Variants in ATAD3B observed in about 807,000 individuals in gnomAD.
The protein encoded by ATAD3B is ATPase family AAA domain containing 3B, also known as ATPase family AAA domain-containing protein 3B.
In ATAD3B, 59 loss-of-function variants were observed where a neutral mutation model predicts 70.2. The observed-to-expected ratio is 0.84, with a 90% CI of 0.68 to 1.04. The LOEUF (loss-of-function observed/expected upper bound fraction) is 1.04, where lower values mean the gene tolerates loss of function less well. Among genes scored for constraint, ATAD3B ranks in the 50% least tolerant of loss-of-function variants. The pLI, the probability that ATAD3B is intolerant of heterozygous loss-of-function variation, is 0.00. For missense variants in ATAD3B, 961 were observed against 913.4 expected (o/e 1.05, Z -0.67); for synonymous variants, 423 against 388.6 (o/e 1.09, Z -1.04).
chr1:1,474,539 G>A (rs569652286), intron 1 of ATAD3B, among the ~76,000 whole-genome samples: 12 of 151,666 alleles, frequency 7.9e-5, no homozygotes, highest in African/African-American at 2.7e-4. Flanking sequence ...TGGCTCTGCC[G>A]CCCAGGCTGG....
the ATAD3B span, among the ~76,000 whole-genome samples, chr1:1,506,932 C>T: frequency 1.3e-5 from 2 of 151,920 alleles, no homozygotes; most frequent in South Asian, 2.1e-4. Flanking sequence ...GGAATACAGG[C>T]GCCTGCCACC....
intron 1 of ATAD3B, among the ~76,000 whole-genome samples, chr1:1,474,377 A>G (rs1446868204): frequency 2.7e-5 from 4 of 147,938 alleles, no homozygotes; most frequent in Admixed American, 2.0e-4. Context: ...TTTTTTTTAG[A>G]GACCGGTTTT....
rs1320709394 is a variant in ATAD3B at position 1,479,484 on chromosome 1, A to G, written c.444+376A>G. Among the ~76,000 whole-genome samples, 5 of 141,294 alleles carry G rather than the reference A, an allele frequency of 3.5e-5. 2 individuals carry two copies. The highest frequency in any genetic ancestry group is 4.4e-4 in the East Asian group (2 of 4,556). The allele number at this position is 141,294 out of a possible 152,430, so 92.7% of individuals were successfully genotyped here. On this transcript the variant is annotated intron_variant, in intron 4 of 15. Transcript: ENST00000673477. ...CCCACACACACACACCCCTGTGCGC[A>G]CACACCCCTACACAGGGGCATGGAC...
At chr1:1,498,606 C>CT, downstream of ATAD3B, among the ~76,000 whole-genome samples, 1 of 152,006 alleles carries the variant, frequency 6.6e-6, no homozygotes, top group East Asian at 1.9e-4. Context: ...CGGGGTCTCT[C>CT]TTTGTTGCCT....
At chr1:1,506,824 G>A in the ATAD3B span, among the ~76,000 whole-genome samples, 6 of 136,710 alleles carry the variant, frequency 4.4e-5, no homozygotes, top group Non-Finnish European at 9.1e-5. Flanking sequence ...GTCTCGCTCC[G>A]TCACCCAGGC....
At chr1:1,500,559 A>G (rs147588481), downstream of ATAD3B, among the ~76,000 whole-genome samples, 2,806 of 149,260 alleles carry the variant, frequency 0.019, 51 homozygotes, top group Admixed American at 0.035. Context: ...GTCTCAAAAA[A>G]AAAAAAAAAT....
rs1016809548 is a variant in ATAD3B at position 1,496,410 on chromosome 1, C to T, written c.*593C>T. On this transcript the variant is annotated 3_prime_UTR_variant, in exon 16 of 16. Transcript: ENST00000673477. ...GGACTGCCGCCTGCGCCCCACCAGC[C>T]CCTCCCTCCTGAAGGAGGGGCACCC... 12 of 236,590 alleles carry T rather than the reference C, an allele frequency of 5.1e-5. No homozygotes were observed. The highest frequency in any genetic ancestry group is 7.6e-5 in the Non-Finnish European group (11 of 145,482). The allele number at this position is 236,590 out of a possible 1,614,324, so 14.7% of individuals were successfully genotyped here.
chr1:1,508,024 A>G, the ATAD3B span, among the ~76,000 whole-genome samples: 4 of 152,292 alleles, frequency 2.6e-5, no homozygotes, highest in East Asian at 1.9e-4. Flanking sequence ...CGTGCTTCCC[A>G]GAGGGGTGGC....
intron 5 of ATAD3B, among the ~76,000 whole-genome samples, chr1:1,481,176 CTT>C (rs1217771354): frequency 2.7e-5 from 3 of 110,668 alleles, no homozygotes; most frequent in African/African-American, 4.1e-5. Flanking sequence ...GTACAGGGGC[CTT>C]TTTTTTTTTT....
chr1:1,509,348 C>A, the ATAD3B span: 1 of 1,610,948 alleles, frequency 6.2e-7, no homozygotes, highest in Non-Finnish European at 8.5e-7. Context: ...AACCCTCATC[C>A]TGAGTCCATG....
At chr1:1,478,776 GC>G in intron 3 of ATAD3B, 31 bp downstream of exon 3, 2 of 1,458,564 alleles carry the variant, frequency 1.4e-6, no homozygotes, top group Non-Finnish European at 1.8e-6. Context: ...GAGGGAGGCC[GC>G]CCGGCTGCGG....
intron 4 of ATAD3B, among the ~76,000 whole-genome samples, chr1:1,480,349 G>C (rs1003671712): frequency 6.8e-6 from 1 of 146,220 alleles, no homozygotes; most frequent in Non-Finnish European, 1.5e-5. Flanking sequence ...TCTCCCACCC[G>C]GGCGCCCAGC....
chr1:1,508,510 C>G, the ATAD3B span, among the ~76,000 whole-genome samples: 1 of 151,336 alleles, frequency 6.6e-6, no homozygotes, highest in Non-Finnish European at 1.5e-5. Flanking sequence ...GTCCTGGTGC[C>G]CTCCTGAGCA....
rs1464247823 is a variant in ATAD3B at position 1,486,202 on chromosome 1, G to A, written c.1056G>A (p.Gly352=). The change falls in exon 10 of 16, where the codon GGG becomes GGA. Residue 352 remains glycine, a synonymous_variant. Coordinates refer to ENST00000673477, the MANE Select transcript of ATAD3B (RefSeq NM_031921.6). Reference sequence around the variant, plus strand: ...TGTACAGGCACATCCTGCTGTATGGGCCACCAGGCACCGGGAAGACGCTGT... The same window carrying A: ...TGTACAGGCACATCCTGCTGTATGGACCACCAGGCACCGGGAAGACGCTGT... ...RGLYRHILLY[G]PPGTGKTLFA... is the part of the protein sequence containing the mutation. 5 of 1,613,150 alleles carry A rather than the reference G, an allele frequency of 3.1e-6. No homozygotes were observed. Among genetic ancestry groups the A allele is most frequent in the Non-Finnish European group, 4.2e-6 (5 of 1,179,670 alleles).
downstream of ATAD3B, among the ~76,000 whole-genome samples, chr1:1,498,699 C>T (rs562975388): frequency 5.3e-5 from 8 of 151,538 alleles, no homozygotes; most frequent in Admixed American, 3.9e-4. Flanking sequence ...TGAGGCACCG[C>T]GCCCGGCCTG....
the ATAD3B span, among the ~76,000 whole-genome samples, chr1:1,505,487 A>G: frequency 6.6e-6 from 1 of 152,106 alleles, no homozygotes; most frequent in Non-Finnish European, 1.5e-5. Flanking sequence ...GAGGTGGAGG[A>G]GTAGAGTCTT....
chr1:1,505,580 G>A, the ATAD3B span, among the ~76,000 whole-genome samples: 1 of 152,242 alleles, frequency 6.6e-6, no homozygotes, highest in Non-Finnish European at 1.5e-5. Context: ...TGACGCTACC[G>A]CTAGACCACG....
chr1:1,478,260 G>T, intron 2 of ATAD3B: 3 of 678,580 alleles, frequency 4.4e-6, no homozygotes, highest in Non-Finnish European at 7.0e-6. Context: ...GCCTCACAAA[G>T]TGCTGGGATT....
Position 1,496,112 on chromosome 1 carries a change from G to T in ATAD3B, c.*295G>T, listed in dbSNP as rs1364067038. Reference sequence around the variant, plus strand: ...GGCCAGGGGCCACGGAACCCGGCAGGGGTGTCTGAGGCCGCCCTGTCAGCT... The same window carrying T: ...GGCCAGGGGCCACGGAACCCGGCAGTGGTGTCTGAGGCCGCCCTGTCAGCT... On this transcript the variant is annotated 3_prime_UTR_variant, in exon 16 of 16. Coordinates refer to ENST00000673477, the MANE Select transcript of ATAD3B (RefSeq NM_031921.6). 6.0e-6 allele frequency: 7 copies of T among 1,165,392 alleles called. No individual in the cohort carries two copies. The East Asian group carries it at 2.9e-4, about 48-fold the overall frequency. 72.2% of individuals were successfully genotyped at this position (1,165,392 alleles called of 1,614,324 possible).
Sources: allele counts gnomAD v4.1 joint callset (sites outside exome capture counted in the v4.1 genomes callset), GRCh38; gene constraint gnomAD v4.1.1; transcripts MANE v1.5; gene names NCBI Gene and HGNC (gene_info 2026-07-23, HGNC 2026-07-21).